The following NRXN3 variants were observed in gnomAD, a reference collection of about 807,000 sequenced individuals.
NRXN3 encodes neurexin 3.
A neutral mutation model predicts 137.6 loss-of-function variants in NRXN3; 32 were observed. The ratio of observed to expected loss-of-function variants is 0.23; its 90% CI spans 0.18 to 0.31. NRXN3 has a LOEUF of 0.31. Ranked by LOEUF, NRXN3 falls within the 10% of genes least tolerant of loss-of-function variation. NRXN3 has a pLI of 1.00. For missense variants in NRXN3, 1,574 were observed against 2,062.5 expected (o/e 0.76, Z 4.59); for synonymous variants, 798 against 784.5 (o/e 1.02, Z -0.29).
At chr14:78,638,508 T>G (rs1263526228) in intron 4 of NRXN3, among the ~76,000 whole-genome samples, 1 of 152,190 alleles carries the variant, frequency 6.6e-6, no homozygotes, top group Non-Finnish European at 1.5e-5. Flanking sequence ...TTTTGCCTTT[T>G]AACACAATCA....
chr14:79,820,186 T>C (rs1262366854), intron 20 of NRXN3, among the ~76,000 whole-genome samples: 1 of 152,182 alleles, frequency 6.6e-6, no homozygotes, highest in Non-Finnish European at 1.5e-5. Flanking sequence ...TTGTAAGTTT[T>C]GTGAGGAAAG....
intron 4 of NRXN3, among the ~76,000 whole-genome samples, chr14:78,522,277 A>C (rs2096294351): frequency 6.6e-6 from 1 of 152,246 alleles, no homozygotes; most frequent in Non-Finnish European, 1.5e-5. Context: ...TGAAAATCAA[A>C]GACACTAAGT....
chr14:79,628,393 T>C (rs1342928802), intron 16 of NRXN3, among the ~76,000 whole-genome samples: 1 of 152,374 alleles, frequency 6.6e-6, no homozygotes, highest in African/African-American at 2.4e-5. Flanking sequence ...TATTCTAGTA[T>C]GTCCATTCTG....
chr14:78,778,816 C>G (rs1595780658), intron 8 of NRXN3, among the ~76,000 whole-genome samples: 1 of 85,328 alleles, frequency 1.2e-5, no homozygotes, highest in Non-Finnish European at 2.5e-5. Flanking sequence ...TTCTTTCTTT[C>G]TTTCTTTTCC....
chr14:79,738,430 G>T (rs2098949703), intron 19 of NRXN3, among the ~76,000 whole-genome samples: 1 of 151,990 alleles, frequency 6.6e-6, no homozygotes, highest in Admixed American at 6.6e-5. Context: ...TGCCAGAACA[G>T]TCAAGAAACA....
At chr14:78,342,855 C>T (rs898234146) in intron 4 of NRXN3, among the ~76,000 whole-genome samples, 3 of 152,126 alleles carry the variant, frequency 2.0e-5, no homozygotes, top group East Asian at 1.9e-4. Flanking sequence ...TGCTCATATG[C>T]TTAAAAACAG....
intron 4 of NRXN3, among the ~76,000 whole-genome samples, chr14:78,515,634 G>A (rs975345407): frequency 2.6e-5 from 4 of 152,100 alleles, no homozygotes; most frequent in Non-Finnish European, 5.9e-5. Context: ...AGGAGGGCAG[G>A]AGTTGAGCAC....
rs1353680536 is a variant in NRXN3, at chr14:78,739,893, A to G, written c.2044+24754A>G. 1.3e-5 allele frequency among the ~76,000 whole-genome samples: 2 copies of G among 152,148 alleles called. 1 individual carries two copies. Among genetic ancestry groups the G allele is most frequent in the Admixed American group, 1.3e-4 (2 of 15,270 alleles). ...GTAGGGGCCTACTTTCTCTCAGAAC[A>G]AGGGCTTTCTAACCCTACCTTAACA... On this transcript the variant is annotated intron_variant, in intron 8 of 20. Transcript: ENST00000335750.
At chr14:78,945,343 C>T (rs1182488728) in intron 10 of NRXN3, among the ~76,000 whole-genome samples, 1 of 151,872 alleles carries the variant, frequency 6.6e-6, no homozygotes, top group African/African-American at 2.4e-5. Context: ...TTTTATCTGG[C>T]CTTATTTTTT....
chr14:78,863,497 C>A (rs2099078498), intron 10 of NRXN3, among the ~76,000 whole-genome samples: 1 of 152,028 alleles, frequency 6.6e-6, no homozygotes, highest in South Asian at 2.1e-4. Flanking sequence ...TCATATGTGA[C>A]AGATTTTTGT....
At chr14:78,230,602 G>A (rs1472404928) in intron 1 of NRXN3, among the ~76,000 whole-genome samples, 3 of 152,140 alleles carry the variant, frequency 2.0e-5, no homozygotes, top group African/African-American at 4.8e-5. Flanking sequence ...AGAGAAGAGG[G>A]AGTCAGCCAT....
At chr14:78,685,767 G>A (rs1168758418) in intron 6 of NRXN3, among the ~76,000 whole-genome samples, 2 of 150,660 alleles carry the variant, frequency 1.3e-5, no homozygotes. Flanking sequence ...TGAGTAGCTG[G>A]GATTACAGGC....
chr14:78,719,005 C>G (rs963179526), intron 8 of NRXN3, among the ~76,000 whole-genome samples: 1 of 152,194 alleles, frequency 6.6e-6, no homozygotes, highest in African/African-American at 2.4e-5. Flanking sequence ...ATCACTTGAC[C>G]TGGGACAACA....
At chr14:78,963,689 TC>T (rs1305348867) in intron 11 of NRXN3, among the ~76,000 whole-genome samples, 8 of 152,244 alleles carry the variant, frequency 5.3e-5, no homozygotes, top group African/African-American at 1.9e-4. Context: ...CATCTTTTTT[TC>T]TTATACTAAG....
chr14:78,681,023 C>T (rs947604975), intron 6 of NRXN3, among the ~76,000 whole-genome samples: 8 of 152,182 alleles, frequency 5.3e-5, no homozygotes, highest in Non-Finnish European at 7.3e-5. Context: ...TTCACTAAAA[C>T]AGCTTCATTT....
intron 2 of NRXN3, among the ~76,000 whole-genome samples, chr14:78,246,382 T>G (rs1180908825): frequency 6.6e-6 from 1 of 152,232 alleles, no homozygotes; most frequent in Non-Finnish European, 1.5e-5. Flanking sequence ...TAATTGTTTT[T>G]TTTTCCTACA....
chr14:79,632,113 T>G (rs1402709875), intron 16 of NRXN3, among the ~76,000 whole-genome samples: 3 of 152,072 alleles, frequency 2.0e-5, no homozygotes, highest in African/African-American at 7.2e-5. Flanking sequence ...ACTCTTAGGG[T>G]CTGTGCCGCC....
chr14:78,222,855 C>G (rs1328065440), intron 1 of NRXN3, among the ~76,000 whole-genome samples: 1 of 152,172 alleles, frequency 6.6e-6, no homozygotes. Context: ...CTGGACTTGT[C>G]TTATTCATAG....
chr14:79,150,710 A>T (rs940393663), intron 15 of NRXN3, among the ~76,000 whole-genome samples: 2 of 220 alleles, frequency 9.1e-3, no homozygotes, highest in African/African-American at 0.011. Flanking sequence ...TAGATAAATA[A>T]AAAAAAAAAA....
Sources: gnomAD v4.1 joint callset for allele counts (sites outside exome capture counted in the v4.1 genomes callset) on GRCh38, gnomAD v4.1.1 for gene constraint, MANE v1.5 for transcripts, NCBI Gene and HGNC (gene_info 2026-07-23, HGNC 2026-07-21) for gene names.